Variants in SNRPA observed in about 807,000 individuals in gnomAD.
SNRPA encodes U1 small nuclear ribonucleoprotein A.
Under a neutral mutation model 24.5 loss-of-function variants are expected in SNRPA, and 10 were observed. That is an observed-to-expected ratio of 0.41 (90% CI 0.25 to 0.69). The LOEUF (loss-of-function observed/expected upper bound fraction) is 0.69. Ranked by LOEUF, SNRPA falls within the 30% of genes least tolerant of loss-of-function variation. The pLI is 0.33. For synonymous variants in SNRPA, 165 were observed against 148.4 expected (o/e 1.11, Z -0.81); for missense variants, 283 against 394.7 (o/e 0.72, Z 2.40).
chr19:40,763,701 TC>T (rs1207119699), intron 5 of SNRPA, 26 bp downstream of exon 5: 2 of 1,585,186 alleles, frequency 1.3e-6, no homozygotes, highest in Non-Finnish European at 1.7e-6. Context: ...GGCTGGGTGG[TC>T]CCTGGAGGGT....
rs886572002 is a variant in SNRPA at position 40,751,595 on chromosome 19, C to A, written c.73+114C>A. On this transcript the variant is annotated intron_variant, in intron 1 of 5. Transcript: ENST00000243563. Reference sequence around the variant, plus strand: ...TTTGTCCAGCCAAACTTCGAGTTAACTCCTTGGCCTTTACACAAACTACTT... The same window carrying A: ...TTTGTCCAGCCAAACTTCGAGTTAAATCCTTGGCCTTTACACAAACTACTT... 16 of 800,724 alleles carry A rather than the reference C, an allele frequency of 2.0e-5. No individual in the cohort carries two copies. In the South Asian group the frequency reaches 2.2e-4, roughly 11 times the overall value. The allele number at this position is 800,724 out of a possible 1,614,324, so 49.6% of individuals were successfully genotyped here. A position where few individuals can be genotyped will look rare whatever the true frequency, so the allele number is the denominator to read the frequency against.
chr19:40,764,135 A>AGG (rs1421598154), intron 5 of SNRPA, among the ~76,000 whole-genome samples: 1 of 152,180 alleles, frequency 6.6e-6, no homozygotes, highest in South Asian at 2.1e-4. Context: ...CGATGTGTAG[A>AGG]GGGGCTGTTC....
intron 2 of SNRPA, among the ~76,000 whole-genome samples, chr19:40,758,565 T>C (rs1175182283): frequency 6.6e-6 from 1 of 152,172 alleles, no homozygotes; most frequent in Non-Finnish European, 1.5e-5. Flanking sequence ...AACACTTGCT[T>C]ACTGTGTGTC....
In SNRPA at chr19:40,761,458, C is replaced by CTTTTTTTTTTTTTT. The variant is rs200242370; in HGVS notation, c.427-1430_427-1417dup. Among the ~76,000 whole-genome samples, 159 of 85,880 alleles carry CTTTTTTTTTTTTTT rather than the reference C, an allele frequency of 1.9e-3. 3 individuals are homozygous for CTTTTTTTTTTTTTT. Among genetic ancestry groups the CTTTTTTTTTTTTTT allele is most frequent in the Non-Finnish European group, 2.6e-3 (118 of 46,052 alleles). 56.3% of individuals were successfully genotyped at this position (85,880 alleles called of 152,430 possible). A position where few individuals can be genotyped will look rare whatever the true frequency, so the allele number is the denominator to read the frequency against. On this transcript the variant is annotated intron_variant, in intron 3 of 5. Coordinates refer to ENST00000243563, the MANE Select transcript of SNRPA (RefSeq NM_004596.5). ...TCTCTTTTCTTTTCTTTTTCTTTTTCTTTTTTTTTTTTTTTTTTTTTTTTT... is the reference window on the plus strand; with the variant it reads ...TCTCTTTTCTTTTCTTTTTCTTTTTCTTTTTTTTTTTTTTTTTTTTTTTTTTTTTTTTTTTTTTT...
intron 1 of SNRPA, among the ~76,000 whole-genome samples, chr19:40,754,533 GA>G (rs1338085068): frequency 6.6e-6 from 1 of 152,176 alleles, no homozygotes; most frequent in African/African-American, 2.4e-5. Context: ...CCAGGAAAAG[GA>G]GACATTTTGG....
At chr19:40,751,543 C>A in intron 1 of SNRPA, 62 bp downstream of exon 1, 1 of 1,160,294 alleles carries the variant, frequency 8.6e-7, no homozygotes, top group Non-Finnish European at 1.3e-6. Context: ...CTCTTCCGTC[C>A]CCTGCACCCG....
chr19:40,752,555 C>T (rs895631647), intron 1 of SNRPA, among the ~76,000 whole-genome samples: 3 of 118,430 alleles, frequency 2.5e-5, no homozygotes, highest in African/African-American at 1.0e-4. Flanking sequence ...TCAGCCTAGG[C>T]GACAAAGCCA....
chr19:40,762,893 C>G lies in SNRPA; in HGVS notation c.427-8C>G. ...TGTAACCACGCACTCTCCTCCCTCT[C>G]TCCACAGGGCATGCCGCCGATGACT... On this transcript the variant is annotated splice_region_variant and splice_polypyrimidine_tract_variant and intron_variant, in intron 3 of 5. Transcript: ENST00000243563. The G allele has an allele frequency of 6.2e-7, 1 of 1,613,046 alleles. No individual in the cohort carries two copies. The highest frequency in any genetic ancestry group is 2.2e-5 in the East Asian group (1 of 44,854).
chr19:40,756,455 G>A (rs912174449), intron 1 of SNRPA, among the ~76,000 whole-genome samples: 1 of 151,932 alleles, frequency 6.6e-6, no homozygotes, highest in Non-Finnish European at 1.5e-5. Context: ...AATTAGCTGG[G>A]CATGGTGGCA....
intron 3 of SNRPA, 159 bp downstream of exon 3, chr19:40,759,769 T>C (rs1023005575): frequency 3.3e-6 from 2 of 607,786 alleles, no homozygotes; most frequent in Non-Finnish European, 5.5e-6. Context: ...TTTTGGGGGG[T>C]ATTGAGCACC....
intron 5 of SNRPA, among the ~76,000 whole-genome samples, chr19:40,764,045 C>T (rs1417025074): frequency 2.0e-5 from 3 of 152,190 alleles, no homozygotes; most frequent in South Asian, 2.1e-4. Context: ...CAGAAGTCAG[C>T]GTGCTCAGAA....
Position 40,751,453 on chromosome 19 carries a change from C to T in SNRPA, c.45C>T (p.Asn15=), listed in dbSNP as rs775935843. ...GCCCTAACCACACTATTTATATCAA[C>T]AACCTCAATGAGAAGATCAAGAAGG... is the stretch of plus-strand genomic sequence containing the variant. ...ETRPNHTIYI[N]NLNEKIKKDE... Residue 15 remains asparagine, a synonymous_variant, in exon 1 of 6, where the codon AAC becomes AAT. Coordinates refer to ENST00000243563, the MANE Select transcript of SNRPA (RefSeq NM_004596.5). The T allele has an allele frequency of 1.2e-6, 2 of 1,613,516 alleles. No homozygotes were observed. Among genetic ancestry groups the T allele is most frequent in the Non-Finnish European group, 8.5e-7 (1 of 1,179,530 alleles).
intron 1 of SNRPA, among the ~76,000 whole-genome samples, chr19:40,753,762 T>C (rs140327213): frequency 4.6e-4 from 69 of 151,546 alleles, no homozygotes; most frequent in Non-Finnish European, 8.5e-4. Context: ...ATTGGTGACA[T>C]AGAACCCTGG....
At chr19:40,760,733 G>A (rs907222843) in intron 3 of SNRPA, among the ~76,000 whole-genome samples, 2 of 152,152 alleles carry the variant, frequency 1.3e-5, no homozygotes, top group African/African-American at 4.8e-5. Flanking sequence ...TAGGTCAGGA[G>A]TTCAAGACCA....
At chr19:40,763,343 C>T (rs2082941158) in intron 4 of SNRPA, 1 of 595,600 alleles carries the variant, frequency 1.7e-6, no homozygotes, top group African/African-American at 1.9e-5. Flanking sequence ...ACGTGCCAGG[C>T]CCCGTTCTGC....
At chr19:40,752,385 G>A (rs2082882503) in intron 1 of SNRPA, among the ~76,000 whole-genome samples, 1 of 151,330 alleles carries the variant, frequency 6.6e-6, no homozygotes. Flanking sequence ...GGGGTGATGT[G>A]ACTTGCCCAG....
At chr19:40,756,711 A>T (rs978140408) in intron 1 of SNRPA, among the ~76,000 whole-genome samples, 1 of 152,176 alleles carries the variant, frequency 6.6e-6, no homozygotes, top group Non-Finnish European at 1.5e-5. Flanking sequence ...ACGTACCATG[A>T]CAGGAGGTGG....
intron 1 of SNRPA, among the ~76,000 whole-genome samples, chr19:40,754,837 G>A (rs995980005): frequency 3.9e-5 from 6 of 152,106 alleles, no homozygotes; most frequent in Admixed American, 2.0e-4. Context: ...GGGTAAATGC[G>A]AATGGGCGAG....
intron 3 of SNRPA, among the ~76,000 whole-genome samples, chr19:40,761,458 CTTTTTTTTTTTTTTTTTTTTTTT>C (rs200242370): frequency 4.7e-5 from 4 of 85,860 alleles, no homozygotes; most frequent in African/African-American, 1.7e-4. Flanking sequence ...TTTTCTTTTT[CTTTTTTTTTTTTTTTTTTTTTTT>C]TTTGAGACAG....
Sources: allele counts gnomAD v4.1 joint callset (sites outside exome capture counted in the v4.1 genomes callset), GRCh38; gene constraint gnomAD v4.1.1; transcripts MANE v1.5; gene names NCBI Gene and HGNC (gene_info 2026-07-23, HGNC 2026-07-21).